Variants in TMEM164 observed in about 807,000 individuals in gnomAD.
TMEM164 encodes RP13-360B22.2.
In TMEM164, 4 loss-of-function variants were observed where a neutral mutation model predicts 18.8. That is an observed-to-expected ratio of 0.21 (90% confidence interval 0.10 to 0.49). The LOEUF (loss-of-function observed/expected upper bound fraction) is 0.49, where lower values mean the gene tolerates loss of function less well. TMEM164 is among the 20% of genes least tolerant of loss of function. TMEM164 has a pLI of 0.98. For synonymous variants in TMEM164, 86 were observed against 101.7 expected (o/e 0.85, Z 0.93); for missense variants, 108 against 239.9 (o/e 0.45, Z 3.63).
At chrX:110,017,134 C>G (rs1933427117) in intron 2 of TMEM164, among the ~76,000 whole-genome samples, 1 of 111,822 alleles carries the variant, frequency 8.9e-6, no homozygotes, top group African/African-American at 3.2e-5. Context: ...CCCTTGTTTT[C>G]CAGATGAGCA....
downstream of TMEM164, among the ~76,000 whole-genome samples, chrX:110,179,605 A>C (rs1355223054): frequency 8.9e-6 from 1 of 111,871 alleles, no homozygotes; most frequent in Non-Finnish European, 1.9e-5. Context: ...TTTCATCCTA[A>C]GGCCTCCACT....
In TMEM164 at chrX:110,174,496, T is replaced by C. The variant is rs1372905028; in HGVS notation, c.*1045T>C. The stretch of plus-strand genomic sequence containing the variant: ...CGCATCAGGGCCCATTTCTGGAAGA[T>C]TCTGTAGATCTGTTTCTTGGTTTTA... On this transcript the variant is annotated 3_prime_UTR_variant, in exon 7 of 7. Coordinates refer to ENST00000372068, the MANE Select transcript of TMEM164 (RefSeq NM_032227.4). The C allele has an allele frequency of 9.2e-6, 1 of 108,296 alleles. No individual in the cohort carries two copies. Among genetic ancestry groups the C allele is most frequent in the Non-Finnish European group, 1.9e-5 (1 of 52,214 alleles). 8.9% of individuals were successfully genotyped at this position (108,296 alleles called of 1,213,427 possible).
intron 3 of TMEM164, among the ~76,000 whole-genome samples, chrX:110,074,012 G>A (rs777495436): frequency 9.1e-6 from 1 of 110,472 alleles, no homozygotes; most frequent in East Asian, 2.9e-4. Flanking sequence ...CAAGTAGCTG[G>A]GACTACAGGC....
chrX:110,183,807 A>G (rs1440358990), downstream of TMEM164, among the ~76,000 whole-genome samples: 2 of 112,336 alleles, frequency 1.8e-5, no homozygotes, highest in Non-Finnish European at 3.8e-5. Flanking sequence ...AAAGTGTATA[A>G]CATGGTTCTT....
chrX:110,080,988 G>A (rs779431978), intron 3 of TMEM164, among the ~76,000 whole-genome samples: 13 of 104,501 alleles, frequency 1.2e-4, no homozygotes, highest in African/African-American at 3.2e-4. Flanking sequence ...CTCCTGCCTC[G>A]GCCTCCTAAA....
chrX:110,077,425 C>T (rs2065688823), intron 3 of TMEM164, among the ~76,000 whole-genome samples: 1 of 111,524 alleles, frequency 9.0e-6, no homozygotes, highest in Non-Finnish European at 1.9e-5. Flanking sequence ...CCACTCTGTG[C>T]CCTTTCAGTG....
At chrX:110,125,939 G>GT (rs2066522515) in intron 4 of TMEM164, among the ~76,000 whole-genome samples, 1 of 112,340 alleles carries the variant, frequency 8.9e-6, no homozygotes. Flanking sequence ...ATGAAAATCT[G>GT]TAAAACCGGC....
chrX:110,034,731 A>G (rs1220554357), intron 2 of TMEM164, among the ~76,000 whole-genome samples: 3 of 106,847 alleles, frequency 2.8e-5, no homozygotes, highest in Non-Finnish European at 5.8e-5. Flanking sequence ...TATATACCCA[A>G]AGGACTATAA....
chrX:110,087,159 G>A (rs1308021193), intron 3 of TMEM164, among the ~76,000 whole-genome samples: 4 of 111,797 alleles, frequency 3.6e-5, no homozygotes, highest in Non-Finnish European at 7.5e-5. Flanking sequence ...CCCAGGACTA[G>A]AAGATCCTAG....
intron 3 of TMEM164, among the ~76,000 whole-genome samples, chrX:110,075,585 G>A (rs1383833553): frequency 9.0e-6 from 1 of 111,480 alleles, no homozygotes; most frequent in African/African-American, 3.3e-5. Flanking sequence ...TATGATGTTG[G>A]CTGTGGGGTT....
intron 2 of TMEM164, among the ~76,000 whole-genome samples, chrX:110,008,695 T>C (rs1932876970): frequency 9.0e-6 from 1 of 111,562 alleles, no homozygotes. Flanking sequence ...GGATTTAAAA[T>C]TATGATGCTA....
intron 2 of TMEM164, among the ~76,000 whole-genome samples, chrX:110,007,350 C>T (rs1315804917): frequency 1.8e-5 from 2 of 112,567 alleles, no homozygotes; most frequent in Non-Finnish European, 3.8e-5. Flanking sequence ...CACTGTCTCA[C>T]AGCTAAGCCT....
intron 4 of TMEM164, among the ~76,000 whole-genome samples, chrX:110,121,636 ATTG>A (rs1168020970): frequency 8.9e-6 from 1 of 112,030 alleles, no homozygotes; most frequent in Admixed American, 9.5e-5. Flanking sequence ...CCTTTTGGCT[ATTG>A]TTAATATGCT....
At position 110,063,757 on chromosome X, in the gene TMEM164, G is replaced by A. The variant is rs760473144; in HGVS notation, c.391-3590G>A. On this transcript the variant is annotated intron_variant, in intron 2 of 6. Transcript: ENST00000372068. ...GGAGCTATAATGAACCTGTCTTTGG[G>A]ACTCTGAAACTCATCTATGTAAATG... 3.6e-5 allele frequency among the ~76,000 whole-genome samples: 4 copies of A among 111,269 alleles called. No individual in the cohort carries two copies. The South Asian group carries it at 1.5e-3, about 43-fold the overall frequency.
rs762085568 is a variant in TMEM164 at position 110,139,567 on chromosome X, A to G, written c.508-5231A>G. ...AAAGTCTGGCACTAAGTTTGTTGTC[A>G]TGAATGTAAAGGGTTAATAGCATGG... On this transcript the variant is annotated intron_variant, in intron 4 of 6. Coordinates refer to ENST00000372068, the MANE Select transcript of TMEM164 (RefSeq NM_032227.4). Among the ~76,000 whole-genome samples, 7 of 112,190 alleles carry G rather than the reference A, an allele frequency of 6.2e-5. No individual in the cohort carries two copies. In the East Asian group the frequency reaches 1.4e-3, roughly 22 times the overall value.
At chrX:110,094,522 A>G (rs956652791) in intron 3 of TMEM164, among the ~76,000 whole-genome samples, 12 of 110,564 alleles carry the variant, frequency 1.1e-4, no homozygotes, top group Admixed American at 1.1e-3. Flanking sequence ...TTTGTTTTCT[A>G]TTTGCTTGGT....
chrX:110,126,861 T>TGTGG (rs1461848202), intron 4 of TMEM164, among the ~76,000 whole-genome samples: 1 of 96,970 alleles, frequency 1.0e-5, no homozygotes, highest in Non-Finnish European at 2.1e-5. Context: ...TGTGTGTGTG[T>TGTGG]GTGGTGTTGG....
At chrX:110,169,629 A>G (rs2067203694) in intron 5 of TMEM164, among the ~76,000 whole-genome samples, 1 of 112,145 alleles carries the variant, frequency 8.9e-6, no homozygotes, top group African/African-American at 3.2e-5. Flanking sequence ...CTGGCCACCC[A>G]TGGGCTGAAA....
chrX:110,109,218 A>T, intron 4 of TMEM164, 72 bp downstream of exon 4: 1 of 1,020,146 alleles, frequency 9.8e-7, no homozygotes, highest in Non-Finnish European at 1.4e-6. Flanking sequence ...ATGTGATTTT[A>T]AAAATATACA....
Sources: gnomAD v4.1 joint callset for allele counts (sites outside exome capture counted in the v4.1 genomes callset) on GRCh38, gnomAD v4.1.1 for gene constraint, MANE v1.5 for transcripts, NCBI Gene and HGNC (gene_info 2026-07-23, HGNC 2026-07-21) for gene names.